Variants in PRKCA observed in about 807,000 individuals in gnomAD.
PRKCA encodes the protein protein kinase C alpha type.
PRKCA carries 27 observed loss-of-function variants against 87.0 expected under a neutral mutation model. The observed-to-expected ratio is 0.31, with a 90% confidence interval of 0.23 to 0.43. PRKCA has a LOEUF of 0.43. Ranked by LOEUF, PRKCA falls within the 20% of genes least tolerant of loss-of-function variation. PRKCA has a pLI of 1.00. For synonymous variants in PRKCA, 329 were observed against 311.1 expected, an observed-to-expected ratio of 1.06 and a Z score of -0.61; for missense variants, 518 against 852.3, an observed-to-expected ratio of 0.61 and a Z score of 4.88.
At chr17:66,673,515 C>T (rs962201415) in intron 5 of PRKCA, among the ~76,000 whole-genome samples, 3 of 152,158 alleles carry the variant, frequency 2.0e-5, no homozygotes, top group African/African-American at 7.2e-5. Context: ...TTATTCTTGC[C>T]TTTGTCTCTG....
intron 3 of PRKCA, among the ~76,000 whole-genome samples, chr17:66,546,152 AATGG>A (rs1968139324): frequency 1.3e-5 from 2 of 152,196 alleles, no homozygotes; most frequent in Admixed American, 1.3e-4. Flanking sequence ...ATTTATATGT[AATGG>A]AATTATCATT....
At chr17:66,399,640 G>A (rs1910901391) in intron 2 of PRKCA, among the ~76,000 whole-genome samples, 1 of 152,144 alleles carries the variant, frequency 6.6e-6, no homozygotes, top group African/African-American at 2.4e-5. Context: ...GGCTTTGGCA[G>A]TTACTATTCT....
In PRKCA at chr17:66,735,628, T is replaced by C; in HGVS notation, c.1196T>C (p.Phe399Ser). The C allele has an allele frequency of 3.7e-6, 6 of 1,614,100 alleles. No individual in the cohort carries two copies. Among genetic ancestry groups the C allele is most frequent in the Non-Finnish European group, 5.1e-6 (6 of 1,180,020 alleles). Residue 399 changes from phenylalanine (F) to serine (S), a missense_variant, in exon 10 of 17, where the codon TTC becomes TCC. Physicochemically the swap from Phe to Ser is radical, Grantham distance 155 (BLOSUM62 -2). Transcript: ENST00000413366. ...RVLALLDKPP[F>S]LTQLHSCFQT... is the part of the protein sequence containing the mutation. ...TTGGCCCTGCTTGACAAACCCCCGT[T>C]CTTGACGCAGCTGCACTCCTGCTTC... is the stretch of plus-strand genomic sequence containing the variant.
chr17:66,376,689 C>T (rs1050201694), intron 2 of PRKCA, among the ~76,000 whole-genome samples: 3 of 152,008 alleles, frequency 2.0e-5, no homozygotes, highest in African/African-American at 4.8e-5. Context: ...TCCCCTGGCC[C>T]GAGGGTTGGA....
intron 2 of PRKCA, among the ~76,000 whole-genome samples, chr17:66,442,637 T>C (rs1012667671): frequency 6.6e-6 from 1 of 152,144 alleles, no homozygotes; most frequent in African/African-American, 2.4e-5. Flanking sequence ...ATAGCCTCCA[T>C]CCCAGCTGTA....
intron 2 of PRKCA, among the ~76,000 whole-genome samples, chr17:66,428,691 A>G (rs958347034): frequency 6.6e-6 from 1 of 151,686 alleles, no homozygotes; most frequent in African/African-American, 2.4e-5. Context: ...TTTGGTAGAG[A>G]TGGGTTTTCA....
intron 13 of PRKCA, among the ~76,000 whole-genome samples, chr17:66,769,245 C>G (rs867466921): frequency 4.3e-4 from 65 of 151,850 alleles, no homozygotes; most frequent in African/African-American, 1.3e-3. Context: ...GTGGTCCCAG[C>G]TACTTAGGAG....
At chr17:66,332,487 C>T (rs1226453256) in intron 2 of PRKCA, among the ~76,000 whole-genome samples, 1 of 151,924 alleles carries the variant, frequency 6.6e-6, no homozygotes, top group Non-Finnish European at 1.5e-5. Flanking sequence ...GTCAGCCTCC[C>T]AAAGTGCTAG....
chr17:66,435,018 G>T (rs567871612), intron 2 of PRKCA, among the ~76,000 whole-genome samples: 2 of 152,258 alleles, frequency 1.3e-5, no homozygotes, highest in South Asian at 4.1e-4. Context: ...CCCTAATGCT[G>T]ATTTTCACCT....
chr17:66,739,992 G>A (rs1974122710), intron 11 of PRKCA, among the ~76,000 whole-genome samples: 1 of 152,124 alleles, frequency 6.6e-6, no homozygotes, highest in Non-Finnish European at 1.5e-5. Flanking sequence ...TGTAGTTAGG[G>A]CTAGACCTTG....
intron 2 of PRKCA, among the ~76,000 whole-genome samples, chr17:66,337,984 T>C (rs1199752027): frequency 1.3e-5 from 2 of 151,910 alleles, no homozygotes; most frequent in Non-Finnish European, 2.9e-5. Flanking sequence ...GTATGTGTGA[T>C]TGAACCTGGG....
intron 13 of PRKCA, among the ~76,000 whole-genome samples, chr17:66,766,035 G>T (rs906605285): frequency 2.6e-5 from 4 of 152,184 alleles, no homozygotes; most frequent in Non-Finnish European, 4.4e-5. Context: ...CCATCCTATT[G>T]TTACAATTGA....
chr17:66,558,744 G>T (rs2143281784), intron 3 of PRKCA, among the ~76,000 whole-genome samples: 1 of 152,272 alleles, frequency 6.6e-6, no homozygotes, highest in South Asian at 2.1e-4. Flanking sequence ...AAGAGTAGTG[G>T]TTGGCAATTG....
chr17:66,592,457 A>G (rs1969839570), intron 3 of PRKCA, among the ~76,000 whole-genome samples: 1 of 152,190 alleles, frequency 6.6e-6, no homozygotes, highest in Admixed American at 6.5e-5. Context: ...CAAAGACATA[A>G]GCCTGGTACA....
intron 5 of PRKCA, among the ~76,000 whole-genome samples, chr17:66,686,699 C>G (rs1972636589): frequency 6.6e-6 from 1 of 152,160 alleles, no homozygotes; most frequent in Non-Finnish European, 1.5e-5. Context: ...GCACCATAGA[C>G]CAGGTTGGGC....
chr17:66,760,258 C>A (rs1382383797), intron 13 of PRKCA, among the ~76,000 whole-genome samples: 2 of 152,102 alleles, frequency 1.3e-5, no homozygotes, highest in Non-Finnish European at 2.9e-5. Flanking sequence ...ACAAAGATAG[C>A]TAGAAAATTC....
At chr17:66,312,597 A>G (rs1436163832) in intron 2 of PRKCA, among the ~76,000 whole-genome samples, 1 of 152,156 alleles carries the variant, frequency 6.6e-6, no homozygotes, top group East Asian at 1.9e-4. Context: ...AGTTTCCCAG[A>G]AAGTGCTTGT....
At chr17:66,652,106 G>C (rs1170198716) in intron 5 of PRKCA, among the ~76,000 whole-genome samples, 1 of 152,078 alleles carries the variant, frequency 6.6e-6, no homozygotes, top group East Asian at 1.9e-4. Context: ...TTATAGGTGT[G>C]TGCCACCATG....
intron 3 of PRKCA, among the ~76,000 whole-genome samples, chr17:66,621,238 T>A (rs2143694014): frequency 6.6e-6 from 1 of 152,310 alleles, no homozygotes; most frequent in Non-Finnish European, 1.5e-5. Flanking sequence ...AAAGGCTAGG[T>A]GTTTGATTTT....
Sources: gnomAD v4.1 joint callset for allele counts (sites outside exome capture counted in the v4.1 genomes callset) on GRCh38, gnomAD v4.1.1 for gene constraint, MANE v1.5 for transcripts, NCBI Gene and HGNC (gene_info 2026-07-23, HGNC 2026-07-21) for gene names.